FMNL1: variants seen among roughly 807,000 people sequenced by gnomAD.
FMNL1 encodes formin-like protein 1.
Under a neutral mutation model 121.3 loss-of-function variants are expected in FMNL1, and 43 were observed. The observed-to-expected ratio is 0.35, with a 90% CI of 0.28 to 0.46. The LOEUF is 0.46. Among genes scored for constraint, FMNL1 ranks in the 20% least tolerant of loss-of-function variants. FMNL1 has a pLI of 1.00. For synonymous variants in FMNL1, 613 were observed against 613.5 expected, an observed-to-expected ratio of 1.00 and a Z score of 0.01; for missense variants, 1,191 against 1,482.4, an observed-to-expected ratio of 0.80 and a Z score of 3.23.
rs1598200459 is a variant in FMNL1, at chr17:45,238,788, G to A, written c.969+150G>A. The A allele has an allele frequency of 5.2e-6, 6 of 1,145,592 alleles. No individual in the cohort carries two copies. The East Asian group carries it at 1.5e-4, about 28-fold the overall frequency. The allele number at this position is 1,145,592 out of a possible 1,614,324, so 71.0% of individuals were successfully genotyped here. A position where few individuals can be genotyped will look rare whatever the true frequency, so the allele number is the denominator to read the frequency against. Reference sequence around the variant, plus strand: ...TAGGGGAAGGGTGGATGTTGGCAGGGGGCTGGATTGAGGGAACATGGAGGT... The same window carrying A: ...TAGGGGAAGGGTGGATGTTGGCAGGAGGCTGGATTGAGGGAACATGGAGGT... On this transcript the variant is annotated intron_variant, in intron 10 of 26. Transcript: ENST00000331495.
intron 25 of FMNL1, 74 bp downstream of exon 25, chr17:45,246,404 C>A: frequency 6.2e-7 from 1 of 1,612,910 alleles, no homozygotes; most frequent in Non-Finnish European, 8.5e-7. Flanking sequence ...AATGCGCTAT[C>A]CTCTGGGGGA....
Position 45,239,071 on chromosome 17 carries a change from C to T in FMNL1, c.1080+6C>T. ...GCCTGGACCTGTACTTGGAGGTAAG[C>T]CCTGTACTGCCCCCCAGACTGAACT... On this transcript the variant is annotated splice_donor_region_variant and intron_variant, in intron 11 of 26. Coordinates refer to ENST00000331495, the MANE Select transcript of FMNL1 (RefSeq NM_005892.4). The T allele has an allele frequency of 6.2e-7, 1 of 1,606,860 alleles. No homozygotes were observed. Among genetic ancestry groups the T allele is most frequent in the Non-Finnish European group, 8.5e-7 (1 of 1,173,404 alleles).
At chr17:45,232,211 G>A (rs892211839) in intron 2 of FMNL1, among the ~76,000 whole-genome samples, 156 bp from the exon 3 acceptor site, 7 of 152,190 alleles carry the variant, frequency 4.6e-5, no homozygotes, top group Non-Finnish European at 5.9e-5. Context: ...TGGCTTGGTG[G>A]ACTGTTTGGG....
In FMNL1 at chr17:45,247,292, A is replaced by G. The variant is rs1051952940; in HGVS notation, c.*434A>G. On this transcript the variant is annotated 3_prime_UTR_variant, in exon 27 of 27. Transcript: ENST00000331495. ...GACCGTCCATGGACCTTATTTTTATATGAGATTAATAAAGATGTTTGCAAA... is the reference window on the plus strand; with the variant it reads ...GACCGTCCATGGACCTTATTTTTATGTGAGATTAATAAAGATGTTTGCAAA... 6 of 333,374 alleles carry G rather than the reference A, an allele frequency of 1.8e-5. No individual in the cohort carries two copies. Among genetic ancestry groups the G allele is most frequent in the African/African-American group, 1.3e-4 (6 of 47,260 alleles). The allele number at this position is 333,374 out of a possible 1,614,324, so 20.7% of individuals were successfully genotyped here.
Position 45,244,565 on chromosome 17 carries a change from C to G in FMNL1, c.2518-254C>G, listed in dbSNP as rs981327358. Among the ~76,000 whole-genome samples, 5 of 152,308 alleles carry G rather than the reference C, an allele frequency of 3.3e-5. No individual in the cohort carries two copies. In the South Asian group the frequency reaches 6.2e-4, roughly 19 times the overall value. ...TGACCACACAGACTAGGAGGGGATG[C>G]TGGCAACAAGTTGTGGGTTGGACTA... On this transcript the variant is annotated intron_variant, in intron 19 of 26. Transcript: ENST00000331495.
intron 16 of FMNL1, 66 bp downstream of exon 16, chr17:45,242,531 T>A: frequency 1.0e-5 from 16 of 1,565,226 alleles, no homozygotes; most frequent in Non-Finnish European, 1.4e-5. Context: ...TGGATCAGGC[T>A]GGGCCCTGGG....
intron 1 of FMNL1, 75 bp downstream of exon 1, chr17:45,222,328 C>A: frequency 9.1e-7 from 1 of 1,096,222 alleles, no homozygotes; most frequent in Admixed American, 5.0e-5. Flanking sequence ...GCGCGCGTCC[C>A]CGCCCCCGGG....
rs1482664816 is a variant in FMNL1, at chr17:45,242,073, G to T, written c.1812G>T (p.Pro604=). 3 of 1,330,954 alleles carry T rather than the reference G, an allele frequency of 2.3e-6. No individual in the cohort carries two copies. The highest frequency in any genetic ancestry group is 3.0e-6 in the Non-Finnish European group (3 of 1,006,040). The allele number at this position is 1,330,954 out of a possible 1,614,324, so 82.4% of individuals were successfully genotyped here. A position where few individuals can be genotyped will look rare whatever the true frequency, so the allele number is the denominator to read the frequency against. Residue 604 remains proline (P), a synonymous_variant, in exon 15 of 27, where the codon CCG becomes CCT. Transcript: ENST00000331495. ...GCACTGACGGGCCGGTGCCTCCGCC[G>T]CCGCCGCCGCCGCCGCCGCCTCCCG... ...PPGTDGPVPP[P]PPPPPPPPGG... is the part of the protein sequence containing the mutation.
chr17:45,245,331 A>G lies in FMNL1; in HGVS notation c.2807A>G (p.Gln936Arg), dbSNP rs1292556709. Residue 936 changes from glutamine (Q) to arginine (R), a missense_variant, in exon 22 of 27, where the codon CAG becomes CGG. Physicochemically the swap from Gln to Arg is conservative, Grantham distance 43. Transcript: ENST00000331495. ...TTGACACAGAGAGAGTTTGTGCGGC[A>G]GGATGACTGCATGGTGCTCAAGGAG... ...LELTQREFVRQDDCMVLKEFL... is the reference protein window; with the variant it reads ...LELTQREFVRRDDCMVLKEFL... The G allele has an allele frequency of 3.1e-6, 5 of 1,614,234 alleles. No individual in the cohort carries two copies. Among genetic ancestry groups the G allele is most frequent in the Non-Finnish European group, 2.5e-6 (3 of 1,180,034 alleles).
At position 45,233,255 on chromosome 17, in the gene FMNL1, T is replaced by G. The variant is rs2043477962; in HGVS notation, c.359T>G (p.Val120Gly). ...FKRRVQESTQVLRELETSLRT... is the reference protein window; with the variant it reads ...FKRRVQESTQGLRELETSLRT... The stretch of plus-strand genomic sequence containing the variant: ...AGGCGAGTTCAGGAGTCCACGCAGG[T>G]GCTACGGGAGCTGGAGACCTCCCTG... Residue 120 changes from valine to glycine, a missense_variant, in exon 4 of 27, where the codon GTG becomes GGG. Val to Gly is a moderately radical substitution (Grantham distance 109). Coordinates refer to ENST00000331495, the MANE Select transcript of FMNL1 (RefSeq NM_005892.4). The surrounding 1 kb of genome is among the most constrained non-coding windows in gnomAD (Gnocchi z 4.1). 1.9e-6 allele frequency: 3 copies of G among 1,561,658 alleles called. No homozygotes were observed. The highest frequency in any genetic ancestry group is 2.6e-6 in the Non-Finnish European group (3 of 1,153,100).
intron 7 of FMNL1, 62 bp downstream of exon 7, chr17:45,236,306 A>G: frequency 1.4e-6 from 2 of 1,402,672 alleles, no homozygotes; most frequent in Non-Finnish European, 2.0e-6. Flanking sequence ...TGGGGGCTAC[A>G]CAAGCTGCCG....
At chr17:45,230,767 A>G in intron 2 of FMNL1, 80 bp downstream of exon 2, 1 of 1,449,810 alleles carries the variant, frequency 6.9e-7, no homozygotes, top group Non-Finnish European at 9.5e-7. Flanking sequence ...CTATGGGGAG[A>G]GGGGCACCGC....
chr17:45,237,490 C>A lies in FMNL1; in HGVS notation c.801-56C>A. ...CTCCTCCTAGCCAGGCCTGTGCCCACCCTTGCCGCGGGTCCTGCCTGTTCT... is the reference window on the plus strand; with the variant it reads ...CTCCTCCTAGCCAGGCCTGTGCCCAACCTTGCCGCGGGTCCTGCCTGTTCT... On this transcript the variant is annotated intron_variant, in intron 8 of 26. Transcript: ENST00000331495. The surrounding 1 kb of genome is among the most constrained non-coding windows in gnomAD (Gnocchi z 4.4). 1 of 1,611,376 alleles carries A rather than the reference C, an allele frequency of 6.2e-7. No homozygotes were observed. The highest frequency in any genetic ancestry group is 1.3e-5 in the African/African-American group (1 of 75,022).
rs1462964234 is a variant in FMNL1 at position 45,241,478 on chromosome 17, G to C, written c.1429G>C (p.Glu477Gln). The C allele has an allele frequency of 3.2e-6, 5 of 1,575,574 alleles. No individual in the cohort carries two copies. Among genetic ancestry groups the C allele is most frequent in the African/African-American group, 2.7e-5 (2 of 74,296 alleles). The change falls in exon 14 of 27, where the codon GAG (glutamate) becomes CAG (glutamine). Residue 477 changes from glutamate to glutamine, a missense_variant. Glu to Gln is a conservative substitution (Grantham distance 29). Transcript: ENST00000331495. The surrounding 1 kb of genome is among the most constrained non-coding windows in gnomAD (Gnocchi z 7.0). ...TGCCCCGACGCGGCCCTCGGCCCTG[G>C]AGCTGAAGGTGGAGGAGCTGGAGGA... ...PAAPTRPSALELKVEELEEKG... is the reference protein window; with the variant it reads ...PAAPTRPSALQLKVEELEEKG...
Position 45,245,719 on chromosome 17 carries a change from A to G in FMNL1, c.2980A>G (p.Ile994Val), listed in dbSNP as rs560470776. The G allele has an allele frequency of 2.5e-6, 4 of 1,613,788 alleles. No individual in the cohort carries two copies. Among genetic ancestry groups the G allele is most frequent in the Non-Finnish European group, 3.4e-6 (4 of 1,179,940 alleles). ...GTTCTTCTCCCTCTTTAGCCGCTTC[A>G]TTAAGGCCTACAAGGTATTCGGGTC... ...GLFFSLFSRFIKAYKKAEQEV... is the reference protein window; with the variant it reads ...GLFFSLFSRFVKAYKKAEQEV... Residue 994 changes from isoleucine (I) to valine (V), a missense_variant, in exon 23 of 27, where the codon ATT becomes GTT. Coordinates refer to ENST00000331495, the MANE Select transcript of FMNL1 (RefSeq NM_005892.4).
chr17:45,239,178 T>A, intron 11 of FMNL1, 113 bp downstream of exon 11: 1 of 785,882 alleles, frequency 1.3e-6, no homozygotes, highest in Non-Finnish European at 2.2e-6. Context: ...ATCCTGGCTC[T>A]GCCGTTGCCT....
chr17:45,240,083 G>A (rs1000453225), intron 11 of FMNL1, among the ~76,000 whole-genome samples: 4 of 152,194 alleles, frequency 2.6e-5, no homozygotes, highest in African/African-American at 7.2e-5. Context: ...GAGCCACCTC[G>A]CCCAGCTATC....
In FMNL1 at chr17:45,243,808, T is replaced by TG; in HGVS notation, c.2234dup (p.Leu746ProfsTer16). ...TCTCACAGGTACGACCTGCAGGCTC[T>TG]GGGCCTGGACTTCCTGGAGCTGCTG... On this transcript the variant is annotated frameshift_variant, in exon 18 of 27. Transcript: ENST00000331495. LOFTEE classifies it high-confidence loss of function. 6.2e-7 allele frequency: 1 copy of TG among 1,611,870 alleles called. No individual in the cohort carries two copies. Among genetic ancestry groups the TG allele is most frequent in the South Asian group, 1.1e-5 (1 of 91,046 alleles).
intron 16 of FMNL1, among the ~76,000 whole-genome samples, 162 bp from the exon 17 acceptor site, chr17:45,242,956 C>A (rs184319416): frequency 2.8e-4 from 42 of 152,336 alleles, no homozygotes; most frequent in African/African-American, 9.9e-4. Flanking sequence ...GCTCCCTGTG[C>A]TTCCCCTGTG....
Sources: gnomAD v4.1 joint callset for allele counts (sites outside exome capture counted in the v4.1 genomes callset) on GRCh38, gnomAD v4.1.1 for gene constraint, Gnocchi (gnomAD v3.1) non-coding constraint, MANE v1.5 for transcripts, NCBI Gene and HGNC (gene_info 2026-07-23, HGNC 2026-07-21) for gene names.